Variants in TMEM178B observed in about 807,000 individuals in gnomAD.
TMEM178B encodes the protein transmembrane protein 178B.
Under a neutral mutation model 31.0 loss-of-function variants are expected in TMEM178B, and 5 were observed. The observed-to-expected ratio is 0.16, with a 90% CI of 0.08 to 0.34. TMEM178B has a LOEUF of 0.34. Ranked by LOEUF, TMEM178B falls within the 10% of genes least tolerant of loss-of-function variation. The pLI is 1.00. For missense variants in TMEM178B, 275 were observed against 400.3 expected (o/e 0.69, Z 2.67); for synonymous variants, 164 against 164.0 (o/e 1.00, Z 0.00).
At chr7:141,118,262 C>T (rs541077461) in intron 1 of TMEM178B, among the ~76,000 whole-genome samples, 4 of 152,266 alleles carry the variant, frequency 2.6e-5, no homozygotes, top group Non-Finnish European at 2.9e-5. Context: ...CTTTTGGAAG[C>T]CTGGCCTGTC....
intron 2 of TMEM178B, among the ~76,000 whole-genome samples, chr7:141,428,223 C>A (rs1033448357): frequency 1.3e-5 from 2 of 151,858 alleles, no homozygotes; most frequent in Admixed American, 6.6e-5. Flanking sequence ...AAAAAATTAG[C>A]TGGGCATGGT....
chr7:141,180,723 A>G (rs1053028930), intron 1 of TMEM178B, among the ~76,000 whole-genome samples: 1 of 152,142 alleles, frequency 6.6e-6, no homozygotes, highest in African/African-American at 2.4e-5. Flanking sequence ...CTTGCTGAGG[A>G]CAGTAGTGTC....
intron 1 of TMEM178B, among the ~76,000 whole-genome samples, chr7:141,152,243 G>T (rs1366580031): frequency 1.3e-5 from 2 of 152,188 alleles, no homozygotes; most frequent in Non-Finnish European, 2.9e-5. Flanking sequence ...CTGGGAACAG[G>T]CATAGAGCGC....
chr7:141,367,347 T>G (rs1164625777), intron 2 of TMEM178B, among the ~76,000 whole-genome samples: 4 of 152,072 alleles, frequency 2.6e-5, no homozygotes, highest in Admixed American at 2.6e-4. Flanking sequence ...CGATTCACTG[T>G]AACCTCTGCC....
chr7:141,369,832 G>T (rs1204518228), intron 2 of TMEM178B, among the ~76,000 whole-genome samples: 4 of 152,182 alleles, frequency 2.6e-5, no homozygotes, highest in Non-Finnish European at 4.4e-5. Flanking sequence ...CCATAAAATG[G>T]AAATATGCCT....
intron 2 of TMEM178B, among the ~76,000 whole-genome samples, chr7:141,251,827 C>T (rs1797838723): frequency 6.6e-6 from 1 of 152,164 alleles, no homozygotes; most frequent in South Asian, 2.1e-4. Context: ...GTCGTATCCC[C>T]ATGAGCTTTT....
intron 1 of TMEM178B, among the ~76,000 whole-genome samples, chr7:141,139,766 G>GT (rs111634848): frequency 0.017 from 2,506 of 144,334 alleles, 32 homozygotes; most frequent in African/African-American, 0.042. Flanking sequence ...TTAGAATGAA[G>GT]TTTTTTTTTT....
At chr7:141,078,069 T>C (rs958000228) in intron 1 of TMEM178B, among the ~76,000 whole-genome samples, 1 of 152,176 alleles carries the variant, frequency 6.6e-6, no homozygotes, top group African/African-American at 2.4e-5. Flanking sequence ...TTTGTTGGCA[T>C]CCATGACAAG....
rs369404214 is a variant in TMEM178B at position 141,452,300 on chromosome 7, G to A, written c.634+14555G>A. Among the ~76,000 whole-genome samples the A allele has an allele frequency of 3.1e-4, 47 of 152,200 alleles. No individual in the cohort carries two copies. In the South Asian group the frequency reaches 3.9e-3, roughly 13 times the overall value. On this transcript the variant is annotated intron_variant, in intron 3 of 3. Transcript: ENST00000565468. ...CCGGATTTGTCCTTTCTCTATATACGTTATGCATGTGCTTTATGTTTATTG... is the reference window on the plus strand; with the variant it reads ...CCGGATTTGTCCTTTCTCTATATACATTATGCATGTGCTTTATGTTTATTG...
chr7:141,311,482 A>G (rs1381185339), intron 2 of TMEM178B, among the ~76,000 whole-genome samples: 1 of 152,094 alleles, frequency 6.6e-6, no homozygotes. Flanking sequence ...AATTTATTAG[A>G]GTTTCAAAAA....
chr7:141,297,933 C>G (rs1327038006), intron 2 of TMEM178B, among the ~76,000 whole-genome samples: 2 of 152,230 alleles, frequency 1.3e-5, no homozygotes, highest in Non-Finnish European at 2.9e-5. Context: ...AATCGCCACA[C>G]TGTCTTCCAC....
At chr7:141,247,361 C>T (rs1395077897) in intron 2 of TMEM178B, among the ~76,000 whole-genome samples, 1 of 151,952 alleles carries the variant, frequency 6.6e-6, no homozygotes, top group Non-Finnish European at 1.5e-5. Flanking sequence ...TATAAGCTTC[C>T]TGGAAAATAA....
chr7:141,459,080 T>C (rs144464649), intron 3 of TMEM178B, among the ~76,000 whole-genome samples: 1,990 of 152,304 alleles, frequency 0.013, 46 homozygotes, highest in African/African-American at 0.046. Flanking sequence ...CCCAGGCTCG[T>C]GTGCAATGGC....
chr7:141,259,754 A>C (rs936155121), intron 2 of TMEM178B, among the ~76,000 whole-genome samples: 1 of 152,234 alleles, frequency 6.6e-6, no homozygotes, highest in Non-Finnish European at 1.5e-5. Context: ...GTGGTTAGCC[A>C]GCAATTGGTC....
intron 2 of TMEM178B, among the ~76,000 whole-genome samples, chr7:141,296,389 G>A (rs1798634850): frequency 6.6e-6 from 1 of 152,064 alleles, no homozygotes; most frequent in Admixed American, 6.6e-5. Flanking sequence ...CTTTCCACTG[G>A]TCTTCAGGGG....
At chr7:141,119,532 G>A (rs1795375237) in intron 1 of TMEM178B, among the ~76,000 whole-genome samples, 1 of 151,914 alleles carries the variant, frequency 6.6e-6, no homozygotes, top group Non-Finnish European at 1.5e-5. Flanking sequence ...ACACAGAGAC[G>A]GTTCAAGCCT....
intron 2 of TMEM178B, among the ~76,000 whole-genome samples, chr7:141,355,793 C>T (rs1440528059): frequency 1.3e-5 from 2 of 152,144 alleles, no homozygotes; most frequent in Admixed American, 6.5e-5. Flanking sequence ...GTTTGAGGTA[C>T]GATTGAACTC....
chr7:141,465,484 C>G (rs989076317), intron 3 of TMEM178B, among the ~76,000 whole-genome samples: 1 of 152,168 alleles, frequency 6.6e-6, no homozygotes, highest in Non-Finnish European at 1.5e-5. Flanking sequence ...AAATCTGTGT[C>G]AGTCAGGGTC....
chr7:141,091,278 T>C (rs1381241808), intron 1 of TMEM178B, among the ~76,000 whole-genome samples: 1 of 152,206 alleles, frequency 6.6e-6, no homozygotes, highest in Non-Finnish European at 1.5e-5. Context: ...ATTGTAAATA[T>C]TATTAATGAG....
Sources: gnomAD v4.1 joint callset for allele counts (sites outside exome capture counted in the v4.1 genomes callset) on GRCh38, gnomAD v4.1.1 for gene constraint, MANE v1.5 for transcripts, NCBI Gene and HGNC (gene_info 2026-07-23, HGNC 2026-07-21) for gene names.